PKHD1: variants seen among roughly 807,000 people sequenced by gnomAD.
PKHD1 encodes the protein PKHD1 ciliary IPT domain containing fibrocystin/polyductin.
In PKHD1, 291 loss-of-function variants were observed where a neutral mutation model predicts 412.0. The observed-to-expected ratio is 0.71, with a 90% CI of 0.64 to 0.78. The LOEUF (loss-of-function observed/expected upper bound fraction) is 0.78. Among genes scored for constraint, PKHD1 ranks in the 30% least tolerant of loss-of-function variants. The probability of loss-of-function intolerance (pLI) is 0.00; values close to 1 mark genes in which losing one functional copy is unlikely to be tolerated. For missense variants in PKHD1, 4,825 were observed against 4,950.7 expected, an observed-to-expected ratio of 0.97 and a Z score of 0.76; for synonymous variants, 1,777 against 1,821.5, an observed-to-expected ratio of 0.98 and a Z score of 0.62.
intron 50 of PKHD1, among the ~76,000 whole-genome samples, chr6:51,838,501 T>C (rs189102554): frequency 9.9e-5 from 15 of 152,284 alleles, no homozygotes; most frequent in Admixed American, 5.9e-4. Context: ...ATATTGAAAA[T>C]CTGTTGCTCA....
In PKHD1 at chr6:52,050,606, C is replaced by T. The variant is rs573855782; in HGVS notation, c.2141-311G>A. Among the ~76,000 whole-genome samples the T allele has an allele frequency of 5.9e-5, 9 of 152,318 alleles. No homozygotes were observed. The South Asian group carries it at 1.9e-3, about 32-fold the overall frequency. On this transcript the variant is annotated intron_variant, in intron 21 of 66. Transcript: ENST00000371117. ...TTGGAGGCACTCCTACACAGTTAATCTATTGCAGTATAGCCTGCCACCCTT... is the reference window on the plus strand; with the variant it reads ...TTGGAGGCACTCCTACACAGTTAATTTATTGCAGTATAGCCTGCCACCCTT...
At chr6:51,709,684 G>A (rs1459895690) in intron 60 of PKHD1, among the ~76,000 whole-genome samples, 2 of 152,122 alleles carry the variant, frequency 1.3e-5, no homozygotes, top group African/African-American at 2.4e-5. Context: ...GTTCACTGAC[G>A]TAAAGGTTTT....
chr6:51,810,844 T>C (rs892088022), intron 52 of PKHD1, among the ~76,000 whole-genome samples: 4 of 152,228 alleles, frequency 2.6e-5, no homozygotes, highest in Admixed American at 1.3e-4. Context: ...CTCATTATTA[T>C]AAAAAGAAAG....
chr6:51,775,839 C>A lies in PKHD1; in HGVS notation c.8523G>T (p.Met2841Ile), dbSNP rs1790930796. 2 of 1,578,298 alleles carry A rather than the reference C, an allele frequency of 1.3e-6. No individual in the cohort carries two copies. Among genetic ancestry groups the A allele is most frequent in the Non-Finnish European group, 1.7e-6 (2 of 1,148,546 alleles). ...RASEGVFCDR[M>I]NGIHIDPGTI... ...TTCCTGGGTCAATATGAATTCCATT[C>A]ATACGGTCACAAAAGACTCCCTCTG... is the stretch of plus-strand genomic sequence containing the variant. The change falls in exon 54 of 67, where the codon ATG becomes ATT. Residue 2841 changes from methionine to isoleucine, a missense_variant. Physicochemically the swap from Met to Ile is conservative, Grantham distance 10. Coordinates refer to ENST00000371117, the MANE Select transcript of PKHD1 (RefSeq NM_138694.4).
intron 60 of PKHD1, among the ~76,000 whole-genome samples, chr6:51,682,529 A>G (rs1279415000): frequency 6.6e-6 from 1 of 152,048 alleles, no homozygotes; most frequent in Non-Finnish European, 1.5e-5. Flanking sequence ...ATGAGTTATT[A>G]TATTTGGGCT....
intron 40 of PKHD1, 119 bp from the exon 41 acceptor site, chr6:51,906,459 G>C: frequency 1.3e-6 from 1 of 798,406 alleles, no homozygotes; most frequent in Non-Finnish European, 2.1e-6. Context: ...AAACTCAGGA[G>C]ATAAGAAGTT....
intron 52 of PKHD1, among the ~76,000 whole-genome samples, chr6:51,792,980 C>T (rs902788615): frequency 3.3e-5 from 5 of 152,196 alleles, no homozygotes; most frequent in East Asian, 1.9e-4. Context: ...CTTCCTCTCC[C>T]ACTCTGACTT....
At position 52,025,448 on chromosome 6, in the gene PKHD1, T is replaced by C; in HGVS notation, c.4362A>G (p.Gly1454=). The change falls in exon 32 of 67, where the codon GGA becomes GGG. Residue 1454 remains glycine, a synonymous_variant. Transcript: ENST00000371117. Reference sequence around the variant, plus strand: ...CTGTGACGTTCAGGGAGAAGGAAGCTCCAGGCAAGGGGTCACCCTCCAGGC... The same window carrying C: ...CTGTGACGTTCAGGGAGAAGGAAGCCCCAGGCAAGGGGTCACCCTCCAGGC... ...QVSLEGDPLP[G]ASFSLNVTVL... 6.2e-7 allele frequency: 1 copy of C among 1,606,874 alleles called. No homozygotes were observed. Among genetic ancestry groups the C allele is most frequent in the Non-Finnish European group, 8.5e-7 (1 of 1,175,662 alleles).
intron 39 of PKHD1, 48 bp downstream of exon 39, chr6:51,911,751 G>A: frequency 1.3e-6 from 2 of 1,504,408 alleles, no homozygotes; most frequent in Non-Finnish European, 1.8e-6. Context: ...CAGACAGTAA[G>A]AATATTCTTT....
intron 60 of PKHD1, among the ~76,000 whole-genome samples, chr6:51,696,615 G>C (rs1778830257): frequency 1.3e-5 from 2 of 152,130 alleles, no homozygotes; most frequent in African/African-American, 4.8e-5. Flanking sequence ...AAGAGACAAA[G>C]CAAATGGATA....
Position 52,066,044 on chromosome 6 carries a change from A to G in PKHD1, c.812T>C (p.Leu271Pro), listed in dbSNP as rs750887164. The G allele has an allele frequency of 2.5e-6, 4 of 1,599,674 alleles. No homozygotes were observed. The South Asian group carries it at 3.3e-5, about 13-fold the overall frequency. Residue 271 changes from leucine (L) to proline (P), a missense_variant, in exon 12 of 67, where the codon CTT becomes CCT. Coordinates refer to ENST00000371117, the MANE Select transcript of PKHD1 (RefSeq NM_138694.4). ...AATTGTGATGTTTGTTCTTCCCCCAAGGCTCCCAGTTTCTGGAAACACAGA... is the reference window on the plus strand; with the variant it reads ...AATTGTGATGTTTGTTCTTCCCCCAGGGCTCCCAGTTTCTGGAAACACAGA... Reference protein sequence around the residue: ...ILSVFPETGSLGGRTNITITG... With the variant: ...ILSVFPETGSPGGRTNITITG...
intron 60 of PKHD1, chr6:51,721,633 G>T (rs1296032174): frequency 1.8e-6 from 2 of 1,118,400 alleles, no homozygotes; most frequent in South Asian, 6.5e-5. Flanking sequence ...CAAAGCTTAA[G>T]CAACCATCCT....
intron 15 of PKHD1, 86 bp from the exon 16 acceptor site, chr6:52,058,687 A>T: frequency 7.3e-7 from 1 of 1,368,452 alleles, no homozygotes; most frequent in South Asian, 1.2e-5. Flanking sequence ...AACTGCTACT[A>T]TCAAGAGAGT....
intron 24 of PKHD1, among the ~76,000 whole-genome samples, chr6:52,045,375 A>G (rs1805632838): frequency 6.6e-6 from 1 of 152,200 alleles, no homozygotes; most frequent in Non-Finnish European, 1.5e-5. Flanking sequence ...ATGCTTTTCC[A>G]TTTTATATGT....
At chr6:51,780,541 A>G (rs546829525) in intron 53 of PKHD1, among the ~76,000 whole-genome samples, 1 of 152,162 alleles carries the variant, frequency 6.6e-6, no homozygotes, top group Non-Finnish European at 1.5e-5. Flanking sequence ...AAAGAGTAAG[A>G]GAACAGCTAT....
At chr6:51,631,922 G>A (rs1358202173) in intron 65 of PKHD1, among the ~76,000 whole-genome samples, 4 of 149,490 alleles carry the variant, frequency 2.7e-5, no homozygotes, top group South Asian at 2.1e-4. Flanking sequence ...ACATTTCCCC[G>A]GATTCTTTTT....
At chr6:51,932,143 T>A (rs569859650) in intron 37 of PKHD1, among the ~76,000 whole-genome samples, 1 of 152,306 alleles carries the variant, frequency 6.6e-6, no homozygotes, top group South Asian at 2.1e-4. Flanking sequence ...AGGCATATAC[T>A]TTGCTTGAAT....
chr6:51,833,073 G>C (rs770741456), intron 51 of PKHD1, among the ~76,000 whole-genome samples: 13 of 152,136 alleles, frequency 8.5e-5, no homozygotes, highest in Non-Finnish European at 1.8e-4. Context: ...GTAGAGTAAG[G>C]GGTATTTGTC....
At chr6:52,046,793 T>C (rs898511267) in intron 23 of PKHD1, among the ~76,000 whole-genome samples, 1 of 152,226 alleles carries the variant, frequency 6.6e-6, no homozygotes, top group African/African-American at 2.4e-5. Context: ...GAAGTTCCCA[T>C]TTCATTAGCT....
Sources: allele counts gnomAD v4.1 joint callset (sites outside exome capture counted in the v4.1 genomes callset), GRCh38; gene constraint gnomAD v4.1.1; transcripts MANE v1.5; gene names NCBI Gene and HGNC (gene_info 2026-07-23, HGNC 2026-07-21).